NTRK1: variants seen among roughly 807,000 people sequenced by gnomAD.
NTRK1 encodes the protein high affinity nerve growth factor receptor.
A neutral mutation model predicts 86.8 loss-of-function variants in NTRK1; 62 were observed. That is an observed-to-expected ratio of 0.71 (90% confidence interval 0.58 to 0.88). The LOEUF (loss-of-function observed/expected upper bound fraction) is 0.88, where lower values mean the gene tolerates loss of function less well. Among genes scored for constraint, NTRK1 ranks in the 40% least tolerant of loss-of-function variants. The pLI, the probability that NTRK1 is intolerant of heterozygous loss-of-function variation, is 0.00. For missense variants in NTRK1, 967 were observed against 1,078.4 expected, an observed-to-expected ratio of 0.90 and a Z score of 1.45; for synonymous variants, 469 against 456.6, an observed-to-expected ratio of 1.03 and a Z score of -0.35.
At chr1:156,858,188 C>G (rs1558094005), upstream of NTRK1, among the ~76,000 whole-genome samples, 1 of 152,226 alleles carries the variant, frequency 6.6e-6, no homozygotes, top group Non-Finnish European at 1.5e-5. Flanking sequence ...CTATCCCACC[C>G]CTGCCTCTTC....
intron 8 of NTRK1, 104 bp downstream of exon 8, chr1:156,874,063 G>T (rs577553844): frequency 3.2e-6 from 4 of 1,236,102 alleles, no homozygotes; most frequent in Non-Finnish European, 4.6e-6. Context: ...TGCCTGGTTC[G>T]GGACAGAAAG....
chr1:156,829,332 TC>T (rs1427189672), intron 1 of NTRK1, among the ~76,000 whole-genome samples: 1 of 151,826 alleles, frequency 6.6e-6, no homozygotes, highest in Non-Finnish European at 1.5e-5. Flanking sequence ...AGAACAAGGC[TC>T]CCCGTATCCC....
intron 1 of NTRK1, among the ~76,000 whole-genome samples, chr1:156,838,608 C>A (rs553713368): frequency 6.6e-6 from 1 of 152,262 alleles, no homozygotes; most frequent in Non-Finnish European, 1.5e-5. Context: ...CAACCTCCAT[C>A]TATCTTGCTA....
At chr1:156,845,423 C>T (rs1480914624) in intron 2 of NTRK1, 1 of 1,542,430 alleles carries the variant, frequency 6.5e-7, no homozygotes, top group African/African-American at 1.4e-5. Flanking sequence ...TCTGGGGAGG[C>T]CAGGAGTAGC....
At chr1:156,858,157 T>C (rs757652139), upstream of NTRK1, among the ~76,000 whole-genome samples, 13 of 152,180 alleles carry the variant, frequency 8.5e-5, no homozygotes, top group Non-Finnish European at 1.6e-4. Flanking sequence ...CATTACTTAA[T>C]GGTGCCTGGT....
rs1654753475 is a variant in NTRK1 at position 156,840,933 on chromosome 1, C to A, written c.-63-1148C>A. On this transcript the variant is annotated intron_variant, in intron 1 of 16. Coordinates refer to the NTRK1 transcript ENST00000392302. The stretch of plus-strand genomic sequence containing the variant: ...CTCTTGGAGTGGGTGAGGAGTCAGG[C>A]TCTGCATCGGTGGTAGGCAGGGAGC... 6 of 1,614,086 alleles carry A rather than the reference C, an allele frequency of 3.7e-6. No homozygotes were observed. The East Asian group carries it at 1.3e-4, about 36-fold the overall frequency.
At chr1:156,845,561 C>T (rs1465058051) in intron 2 of NTRK1, 2 of 759,736 alleles carry the variant, frequency 2.6e-6, no homozygotes, top group Admixed American at 6.1e-5. Context: ...TCCCGCAAGA[C>T]CCGCCCCTCA....
chr1:156,872,227 CA>C (rs1249159901), intron 7 of NTRK1, among the ~76,000 whole-genome samples: 3 of 152,018 alleles, frequency 2.0e-5, no homozygotes, highest in Non-Finnish European at 4.4e-5. Flanking sequence ...TAGAAATGTG[CA>C]AAAAATATAT....
At chr1:156,816,966 G>T in intron 1 of NTRK1, 1 of 372,078 alleles carries the variant, frequency 2.7e-6, no homozygotes, top group Non-Finnish European at 4.8e-6. Context: ...GTGTTTAGGT[G>T]TTAGGAAGCC....
At chr1:156,864,846 G>C in intron 3 of NTRK1, 47 bp downstream of exon 3, 1 of 1,569,926 alleles carries the variant, frequency 6.4e-7, no homozygotes, top group Non-Finnish European at 8.7e-7. Context: ...AGGACACCCA[G>C]ACTTGGGCTG....
chr1:156,859,272 AT>A (rs1283049314), upstream of NTRK1, among the ~76,000 whole-genome samples: 8 of 152,084 alleles, frequency 5.3e-5, no homozygotes, highest in Non-Finnish European at 1.2e-4. The surrounding 1 kb of genome is among the most constrained non-coding windows in gnomAD (Gnocchi z 6.2). Context: ...TGTTGGGGAA[AT>A]AAGGCCAAAA....
intron 3 of NTRK1, among the ~76,000 whole-genome samples, chr1:156,865,361 C>T (rs1655879150): frequency 6.6e-6 from 1 of 152,188 alleles, no homozygotes; most frequent in Admixed American, 6.5e-5. Flanking sequence ...AACTGTTCCA[C>T]CTCAGATTAT....
chr1:156,818,120 T>C (rs1453736299), intron 1 of NTRK1, among the ~76,000 whole-genome samples: 1 of 152,152 alleles, frequency 6.6e-6, no homozygotes, highest in Non-Finnish European at 1.5e-5. Context: ...GAAGTTGGTG[T>C]GAGTGCTGGG....
upstream of NTRK1, among the ~76,000 whole-genome samples, chr1:156,857,882 A>G (rs1487199435): frequency 1.3e-5 from 2 of 152,086 alleles, no homozygotes. Flanking sequence ...CCAATCCCCC[A>G]GCACCTCCAT....
chr1:156,880,711 G>T (rs1558109184), intron 16 of NTRK1, among the ~76,000 whole-genome samples: 1 of 152,208 alleles, frequency 6.6e-6, no homozygotes, highest in Non-Finnish European at 1.5e-5. Context: ...CCCGGAGGCT[G>T]GTGGGGTGGG....
chr1:156,821,710 A>G (rs1654196460), intron 1 of NTRK1, among the ~76,000 whole-genome samples: 2 of 152,230 alleles, frequency 1.3e-5, no homozygotes, highest in Admixed American at 6.5e-5. Flanking sequence ...TTGCTTGGTA[A>G]GCATTTCACT....
At position 156,874,291 on chromosome 1, in the gene NTRK1, C is replaced by T. The variant is rs1378001795; in HGVS notation, c.1178-92C>T. 3 of 1,584,712 alleles carry T rather than the reference C, an allele frequency of 1.9e-6. No homozygotes were observed. In the African/African-American group the frequency reaches 4.0e-5, roughly 21 times the overall value. On this transcript the variant is annotated intron_variant, in intron 8 of 16. Transcript: ENST00000524377. ...CCCTCGTCCCATGAAGGAATGAGTC[C>T]CAGAGTAGGCAGGGGACTCACTGCT...
rs762942184 is a variant in NTRK1 at position 156,875,592 on chromosome 1, T to TGTC, written c.1428_1430dup (p.Ser477dup). ...TTCATGACATTGGGTGGCAGCTCCC[T>TGTC]GTCCCCCACCGAGGGCAAAGGCTCT... On this transcript the variant is annotated inframe_insertion, in exon 12 of 17. Coordinates refer to ENST00000524377, the MANE Select transcript of NTRK1 (RefSeq NM_002529.4). 46 of 1,613,852 alleles carry TGTC rather than the reference T, an allele frequency of 2.9e-5. No homozygotes were observed. Among genetic ancestry groups the TGTC allele is most frequent in the Admixed American group, 8.3e-5 (5 of 60,004 alleles).
upstream of NTRK1, chr1:156,858,662 C>T (rs12129392): frequency 3.6e-5 from 56 of 1,561,970 alleles, no homozygotes; most frequent in South Asian, 4.4e-4. Flanking sequence ...GCTCTCCTCC[C>T]GGTGACTCTG....
Sources: gnomAD v4.1 joint callset for allele counts (sites outside exome capture counted in the v4.1 genomes callset) on GRCh38, gnomAD v4.1.1 for gene constraint, Gnocchi (gnomAD v3.1) non-coding constraint, MANE v1.5 for transcripts, NCBI Gene and HGNC (gene_info 2026-07-23, HGNC 2026-07-21) for gene names.